PSMD11: variants seen among roughly 807,000 people sequenced by gnomAD.
PSMD11 encodes proteasome 26S subunit, non-ATPase 11, also known as 26S proteasome non-ATPase regulatory subunit 11.
In PSMD11, 5 loss-of-function variants were observed where a neutral mutation model predicts 62.3. The ratio of observed to expected loss-of-function variants is 0.08; its 90% CI spans 0.04 to 0.17. PSMD11 has a LOEUF of 0.17. Among genes scored for constraint, PSMD11 ranks in the 10% least tolerant of loss-of-function variants. The pLI is 1.00. For synonymous variants in PSMD11, 191 were observed against 191.8 expected, an observed-to-expected ratio of 1.00 and a Z score of 0.03; for missense variants, 310 against 512.9, an observed-to-expected ratio of 0.60 and a Z score of 3.82.
chr17:32,479,743 C>T, intron 10 of PSMD11, 108 bp from the exon 11 acceptor site: 1 of 1,328,984 alleles, frequency 7.5e-7, no homozygotes, highest in African/African-American at 1.4e-5. Flanking sequence ...GAGGGTCTTA[C>T]ATTAGAATTT....
At chr17:32,467,927 A>G (rs1240530407) in intron 5 of PSMD11, among the ~76,000 whole-genome samples, 4 of 152,068 alleles carry the variant, frequency 2.6e-5, no homozygotes, top group African/African-American at 9.7e-5. Flanking sequence ...CCTGGTACCT[A>G]TTAGTTATTT....
intron 3 of PSMD11, among the ~76,000 whole-genome samples, chr17:32,460,983 TG>T (rs1189803961): frequency 1.3e-5 from 2 of 152,092 alleles, no homozygotes; most frequent in Non-Finnish European, 2.9e-5. Flanking sequence ...ACCAGACTCT[TG>T]CCAAATAGTG....
intron 2 of PSMD11, among the ~76,000 whole-genome samples, chr17:32,450,179 T>C (rs1021562157): frequency 9.2e-5 from 14 of 152,208 alleles, no homozygotes; most frequent in African/African-American, 3.4e-4. Flanking sequence ...CAGGCTGATC[T>C]TGGGCTCCTG....
At position 32,474,772 on chromosome 17, in the gene PSMD11, A is replaced by ATG; in HGVS notation, c.799_800dup (p.Gln268SerfsTer5). The ATG allele has an allele frequency of 6.2e-7, 1 of 1,614,122 alleles. No homozygotes were observed. On this transcript the variant is annotated frameshift_variant, in exon 8 of 14. Transcript: ENST00000261712. LOFTEE classifies it high-confidence loss of function. ...TATGTCTTTTTTTCTAGCCCAGAAG[A>ATG]TGTCCAGGCTTTGGTGAGCGGGAAG...
At chr17:32,479,589 G>C in intron 10 of PSMD11, 1 of 745,004 alleles carries the variant, frequency 1.3e-6, no homozygotes, top group Non-Finnish European at 2.1e-6. Context: ...CATGTGTTCT[G>C]AGCAGTTTCC....
chr17:32,445,564 G>A (rs1312284537), intron 1 of PSMD11: 2 of 152,220 alleles, frequency 1.3e-5, no homozygotes, highest in Non-Finnish European at 2.9e-5. Flanking sequence ...TATTACGACA[G>A]AAGAAGACGT....
intron 10 of PSMD11, 31 bp downstream of exon 10, chr17:32,479,407 C>T (rs1908425475): frequency 3.1e-6 from 5 of 1,610,480 alleles, no homozygotes; most frequent in Non-Finnish European, 3.4e-6. Context: ...CCATTTCTGG[C>T]CAGGCATTCT....
intron 11 of PSMD11, 70 bp downstream of exon 11, chr17:32,479,956 T>C (rs1328848348): frequency 6.4e-7 from 1 of 1,551,778 alleles, no homozygotes; most frequent in Non-Finnish European, 8.9e-7. Context: ...CACATGCACC[T>C]GATTGGCCTC....
intron 3 of PSMD11, among the ~76,000 whole-genome samples, chr17:32,458,581 C>T (rs1350601741): frequency 6.6e-6 from 1 of 152,196 alleles, no homozygotes; most frequent in Non-Finnish European, 1.5e-5. Context: ...TTACACTTGC[C>T]TTGTCTCCTT....
chr17:32,467,963 C>T (rs1252095148), intron 5 of PSMD11, among the ~76,000 whole-genome samples: 1 of 152,148 alleles, frequency 6.6e-6, no homozygotes, highest in Non-Finnish European at 1.5e-5. Context: ...CTCCTCCCAC[C>T]CTCTGATAGG....
At chr17:32,480,012 C>G in intron 11 of PSMD11, 126 bp downstream of exon 11, 1 of 1,476,584 alleles carries the variant, frequency 6.8e-7, no homozygotes, top group Non-Finnish European at 9.5e-7. Flanking sequence ...GCAGTGTGGA[C>G]TAGAGTAGGA....
chr17:32,456,572 C>T (rs1273545274), intron 3 of PSMD11, among the ~76,000 whole-genome samples: 2 of 152,214 alleles, frequency 1.3e-5, no homozygotes, highest in South Asian at 2.1e-4. Flanking sequence ...CTCTGTCGCC[C>T]AGGCTGGAGT....
intron 9 of PSMD11, 129 bp downstream of exon 9, chr17:32,477,712 T>G: frequency 1.4e-6 from 1 of 703,150 alleles, no homozygotes; most frequent in Admixed American, 3.2e-5. Flanking sequence ...ATCCTTCACC[T>G]AGGACAGTAT....
Position 32,480,532 on chromosome 17 carries a change from A to T in PSMD11, c.1170A>T (p.Glu390Asp). 6.2e-7 allele frequency: 1 copy of T among 1,613,840 alleles called. No homozygotes were observed. The highest frequency in any genetic ancestry group is 1.1e-5 in the South Asian group (1 of 91,060). ...AGGGTGTCCTGATTATTTTCGATGA[A>T]CCCCCAGTAGATAAAACTTACGAAG... ...QGEGVLIIFD[E>D]PPVDKTYEAA... Residue 390 changes from glutamate to aspartate, a missense_variant, in exon 13 of 14, where the codon GAA (glutamate) becomes GAT (aspartate). Glu to Asp is a conservative substitution (Grantham distance 45). Around this residue, in one of 6 missense-constraint regions of PSMD11, gnomAD observed 135 missense variants for 195.4 expected, o/e 0.69. Coordinates refer to ENST00000261712, the MANE Select transcript of PSMD11 (RefSeq NM_002815.4).
intron 3 of PSMD11, 124 bp from the exon 4 acceptor site, chr17:32,463,925 T>C: frequency 1.1e-6 from 1 of 870,912 alleles, no homozygotes; most frequent in East Asian, 2.5e-5. Flanking sequence ...ATACTGTGGA[T>C]CAGACACTAA....
At chr17:32,445,336 T>C (rs1398057707) in intron 1 of PSMD11, 1 of 152,326 alleles carries the variant, frequency 6.6e-6, no homozygotes, top group African/African-American at 2.4e-5. Context: ...CCAGACTGCC[T>C]GTAGGGGTTG....
At chr17:32,480,702 C>T (rs1908463492) in intron 13 of PSMD11, 51 bp from the exon 14 acceptor site, 3 of 1,544,082 alleles carry the variant, frequency 1.9e-6, no homozygotes, top group Non-Finnish European at 2.7e-6. Flanking sequence ...AAAACCTCCT[C>T]CTGGTGTCCT....
intron 6 of PSMD11, 59 bp from the exon 7 acceptor site, chr17:32,473,742 C>T: frequency 1.3e-6 from 2 of 1,581,620 alleles, no homozygotes; most frequent in Non-Finnish European, 1.7e-6. Context: ...CCTCCCAGCT[C>T]TGATCTTTTA....
chr17:32,461,565 C>T (rs549998279), intron 3 of PSMD11, among the ~76,000 whole-genome samples: 2 of 125,670 alleles, frequency 1.6e-5, no homozygotes, highest in South Asian at 5.3e-4. Flanking sequence ...GAGTGAGACT[C>T]TGTCTCAAAA....
Sources: gnomAD v4.1 joint callset for allele counts (sites outside exome capture counted in the v4.1 genomes callset) on GRCh38, gnomAD v4.1.1 for gene constraint, gnomAD v4.1.1 regional missense constraint, MANE v1.5 for transcripts, NCBI Gene and HGNC (gene_info 2026-07-23, HGNC 2026-07-21) for gene names.